The following PRSS1 variants were observed in gnomAD, a reference collection of about 807,000 sequenced individuals.
The protein encoded by PRSS1 is TCR V beta 4.1.
PRSS1 carries 22 observed loss-of-function variants against 24.2 expected under a neutral mutation model. The observed-to-expected ratio is 0.91, with a 90% CI of 0.65 to 1.30. PRSS1 has a LOEUF of 1.30. Among genes scored for constraint, PRSS1 ranks in the 50% most tolerant of loss-of-function variants. PRSS1 has a pLI of 0.00. For missense variants in PRSS1, 366 were observed against 304.2 expected (o/e 1.20, Z -1.51); for synonymous variants, 126 against 116.1 (o/e 1.08, Z -0.55).
chr7:142,750,455 C>T, intron 1 of PRSS1, 100 bp from the exon 2 acceptor site: 2 of 1,589,234 alleles, frequency 1.3e-6, no homozygotes, highest in Non-Finnish European at 1.7e-6. Context: ...CCTCACTGTG[C>T]TTGTTAAGGA....
In PRSS1 at chr7:142,752,503, C is replaced by G; in HGVS notation, c.527C>G (p.Pro176Arg). 1 of 1,614,226 alleles carries G rather than the reference C, an allele frequency of 6.2e-7. No individual in the cohort carries two copies. The highest frequency in any genetic ancestry group is 2.2e-5 in the East Asian group (1 of 44,880). The change falls in exon 4 of 5, where the codon CCT (proline) becomes CGT (arginine). Residue 176 changes from proline to arginine, a missense_variant. Transcript: ENST00000311737. ...LSQAKCEASYPGKITSNMFCV... is the reference protein window; with the variant it reads ...LSQAKCEASYRGKITSNMFCV... ...CAGGCTAAGTGTGAAGCCTCCTACC[C>G]TGGAAAGATTACCAGCAACATGTTC...
In PRSS1 at chr7:142,753,001, C is replaced by G; in HGVS notation, c.725C>G (p.Thr242Ser). The change falls in exon 5 of 5, where the codon ACC becomes AGC. Residue 242 changes from threonine (T) to serine (S), a missense_variant. Physicochemically the swap from Thr to Ser is moderately conservative, Grantham distance 58. Coordinates refer to ENST00000311737, the MANE Select transcript of PRSS1 (RefSeq NM_002769.5). The stretch of plus-strand genomic sequence containing the variant: ...AACTATGTGAAATGGATTAAGAACA[C>G]CATAGCTGCCAATAGCTAAAGCCCC... ...VYNYVKWIKN[T>S]IAANS 1.9e-6 allele frequency: 3 copies of G among 1,613,702 alleles called. No individual in the cohort carries two copies. Among genetic ancestry groups the G allele is most frequent in the Non-Finnish European group, 2.5e-6 (3 of 1,179,920 alleles).
intron 2 of PRSS1, chr7:142,751,339 AC>A (rs1206697632): frequency 1.7e-5 from 10 of 591,640 alleles, no homozygotes; most frequent in African/African-American, 1.7e-4. Context: ...TGCTATGGCT[AC>A]CCTTGGATTA....
chr7:142,750,507 C>T (rs1798609785), intron 1 of PRSS1, 48 bp from the exon 2 acceptor site: 10 of 1,613,438 alleles, frequency 6.2e-6, no homozygotes, highest in Non-Finnish European at 7.6e-6. Context: ...GGAGCGCCAC[C>T]CCTAACATGC....
At chr7:142,752,644 A>G (rs879215460) in intron 4 of PRSS1, 77 bp downstream of exon 4, 2 of 1,491,792 alleles carry the variant, frequency 1.3e-6, no homozygotes, top group African/African-American at 1.4e-5. Context: ...TTTGAACTCA[A>G]AAGGTGGTGG....
At chr7:142,750,345 CT>C (rs1798594677) in intron 1 of PRSS1, among the ~76,000 whole-genome samples, 719 of 137,874 alleles carry the variant, frequency 5.2e-3, no homozygotes, top group African/African-American at 6.2e-3. Flanking sequence ...AGCTCGGATC[CT>C]CCGCAGGGTA....
Position 142,751,963 on chromosome 7 carries a change from C to T in PRSS1, c.390C>T (p.Thr130=), listed in dbSNP as rs561097415. The T allele has an allele frequency of 1.9e-4, 302 of 1,612,098 alleles. No homozygotes were observed. The highest frequency in any genetic ancestry group is 2.3e-4 in the Non-Finnish European group (270 of 1,179,554). ...GCGTGTCCACCATCTCTCTGCCCACCGCCCCTCCAGCCACTGGCACGAAGT... is the reference window on the plus strand; with the variant it reads ...GCGTGTCCACCATCTCTCTGCCCACTGCCCCTCCAGCCACTGGCACGAAGT... The part of the protein sequence containing the change: ...NARVSTISLP[T]APPATGTKCL... The change falls in exon 3 of 5, where the codon ACC becomes ACT. Residue 130 remains threonine (T), a synonymous_variant. Transcript: ENST00000311737.
intron 2 of PRSS1, 21 bp from the exon 3 acceptor site, chr7:142,751,753 C>T (rs766493877): frequency 6.2e-7 from 1 of 1,614,156 alleles, no homozygotes; most frequent in South Asian, 1.1e-5. Flanking sequence ...AGGTCTTCAC[C>T]ATGCCTGCCC....
chr7:142,752,403 T>G, intron 3 of PRSS1, 28 bp from the exon 4 acceptor site: 1 of 1,612,612 alleles, frequency 6.2e-7, no homozygotes, highest in Non-Finnish European at 8.5e-7. Flanking sequence ...CATTTCTACT[T>G]CCTTTGATCT....
At chr7:142,752,671 T>C (rs1798851874) in intron 4 of PRSS1, 104 bp downstream of exon 4, 3 of 1,572,312 alleles carry the variant, frequency 1.9e-6, no homozygotes, top group African/African-American at 1.4e-5. Flanking sequence ...GGAGGCTCCC[T>C]GCAGTGCCCA....
intron 2 of PRSS1, chr7:142,751,264 C>T: frequency 1.6e-6 from 1 of 613,168 alleles, no homozygotes; most frequent in Non-Finnish European, 2.9e-6. Flanking sequence ...CCCCAAGGTT[C>T]TGATCAGTAG....
chr7:142,752,362 A>T lies in PRSS1; in HGVS notation c.455-69A>T, dbSNP rs193042441. On this transcript the variant is annotated intron_variant, in intron 3 of 4. Transcript: ENST00000311737. ...GTGTTCCTCTTCAGTTTTCCATCCA[A>T]GATTATTGTCTCCTTCTCTGGCCTG... 38 of 1,579,530 alleles carry T rather than the reference A, an allele frequency of 2.4e-5. No homozygotes were observed. In the Admixed American group the frequency reaches 5.7e-4, roughly 24 times the overall value.
intron 1 of PRSS1, 42 bp downstream of exon 1, chr7:142,749,566 T>A (rs555257225): frequency 1.2e-6 from 2 of 1,604,896 alleles, no homozygotes; most frequent in Admixed American, 3.3e-5. Context: ...CACCCCCCCG[T>A]TCCTGGCCGA....
chr7:142,749,551 C>T (rs778199648), intron 1 of PRSS1, 27 bp downstream of exon 1: 1 of 1,612,836 alleles, frequency 6.2e-7, no homozygotes, highest in Non-Finnish European at 8.5e-7. Flanking sequence ...GCCTCAGGCC[C>T]CAACCACCCC....
Position 142,752,036 on chromosome 7 carries a change from G to T in PRSS1, c.454+9G>T, listed in dbSNP as rs779243541. On this transcript the variant is annotated intron_variant, in intron 3 of 4. Coordinates refer to ENST00000311737, the MANE Select transcript of PRSS1 (RefSeq NM_002769.5). The stretch of plus-strand genomic sequence containing the variant: ...CACTGCGAGCTCTGGCGGTGAGTGG[G>T]ACCCTTAGTCCTTCTACTTCCCTCC... 2 of 1,481,454 alleles carry T rather than the reference G, an allele frequency of 1.4e-6. No homozygotes were observed. Among genetic ancestry groups the T allele is most frequent in the South Asian group, 1.1e-5 (1 of 88,044 alleles). 91.8% of individuals were successfully genotyped at this position (1,481,454 alleles called of 1,614,324 possible). A position where few individuals can be genotyped will look rare whatever the true frequency, so the allele number is the denominator to read the frequency against.
rs376163009 is a variant in PRSS1, at chr7:142,750,517, C to A, written c.41-38C>A. 1.9e-6 allele frequency: 3 copies of A among 1,613,708 alleles called. No individual in the cohort carries two copies. The Admixed American group carries it at 5.0e-5, about 27-fold the overall frequency. On this transcript the variant is annotated intron_variant, in intron 1 of 4. Transcript: ENST00000311737. Reference sequence around the variant, plus strand: ...GGCTGGGAGCGCCACCCCTAACATGCTATTGACTTGCCTTCTCCCTTCCCA... The same window carrying A: ...GGCTGGGAGCGCCACCCCTAACATGATATTGACTTGCCTTCTCCCTTCCCA...
Position 142,752,970 on chromosome 7 carries a change from G to C in PRSS1, c.694G>C (p.Val232Leu), listed in dbSNP as rs1445405636. The change falls in exon 5 of 5, where the codon GTC (valine) becomes CTC (leucine). Residue 232 changes from valine to leucine, a missense_variant. By Grantham distance (32) the Val-to-Leu change is conservative. Coordinates refer to ENST00000311737, the MANE Select transcript of PRSS1 (RefSeq NM_002769.5). ...GAACAAGCCTGGAGTCTACACCAAG[G>C]TCTACAACTATGTGAAATGGATTAA... Reference protein sequence around the residue: ...QKNKPGVYTKVYNYVKWIKNT... With the variant: ...QKNKPGVYTKLYNYVKWIKNT... The C allele has an allele frequency of 6.2e-7, 1 of 1,613,772 alleles. No homozygotes were observed. Among genetic ancestry groups the C allele is most frequent in the Non-Finnish European group, 8.5e-7 (1 of 1,179,948 alleles).
In PRSS1 at chr7:142,751,825, T is replaced by C. The variant is rs754070076; in HGVS notation, c.252T>C (p.Asn84=). ...GEHNIEVLEG[N]EQFINAAKII... is the part of the protein sequence containing the mutation. ...ACAACATCGAAGTCCTGGAGGGGAA[T>C]GAGCAGTTCATCAATGCAGCCAAGA... Residue 84 remains asparagine, a synonymous_variant, in exon 3 of 5, where the codon AAT becomes AAC. Transcript: ENST00000311737. The C allele has an allele frequency of 9.9e-6, 16 of 1,613,962 alleles. No individual in the cohort carries two copies. Among genetic ancestry groups the C allele is most frequent in the Non-Finnish European group, 1.4e-5 (16 of 1,179,998 alleles).
intron 2 of PRSS1, 22 bp downstream of exon 2, chr7:142,750,736 G>A (rs1342797059): frequency 1.2e-6 from 2 of 1,613,826 alleles, no homozygotes; most frequent in Non-Finnish European, 1.7e-6. Flanking sequence ...GCCCCCGACT[G>A]CAAAGCTCCC....
Sources: gnomAD v4.1 joint callset for allele counts (sites outside exome capture counted in the v4.1 genomes callset) on GRCh38, gnomAD v4.1.1 for gene constraint, MANE v1.5 for transcripts, NCBI Gene and HGNC (gene_info 2026-07-23, HGNC 2026-07-21) for gene names.